Variants in KCNK9 observed in about 807,000 individuals in gnomAD.
KCNK9 encodes potassium channel subfamily K member 9.
A neutral mutation model predicts 10.8 loss-of-function variants in KCNK9; 1 was observed. The observed-to-expected ratio is 0.09, with a 90% confidence interval of 0.03 to 0.44. The LOEUF (loss-of-function observed/expected upper bound fraction) is 0.44, where lower values mean the gene tolerates loss of function less well. KCNK9 is among the 20% of genes least tolerant of loss of function. The pLI, the probability that KCNK9 is intolerant of heterozygous loss-of-function variation, is 0.97. For missense variants in KCNK9, 303 were observed against 515.0 expected, an observed-to-expected ratio of 0.59 and a Z score of 3.98; for synonymous variants, 231 against 222.7, an observed-to-expected ratio of 1.04 and a Z score of -0.33.
In KCNK9 at chr8:139,700,506, A is replaced by G. The variant is rs199659070; in HGVS notation, c.283+2204T>C. Among the ~76,000 whole-genome samples, 239 of 130,722 alleles carry G rather than the reference A, an allele frequency of 1.8e-3. 1 individual carries two copies. The highest frequency in any genetic ancestry group is 8.3e-3 in the East Asian group (40 of 4,796). The allele number at this position is 130,722 out of a possible 152,430, so 85.8% of individuals were successfully genotyped here. A position where few individuals can be genotyped will look rare whatever the true frequency, so the allele number is the denominator to read the frequency against. ...CACATACACACACACACACACACAC[A>G]CACGCGCGCGCGCGCACACACACAC... On this transcript the variant is annotated intron_variant, in intron 1 of 1. Coordinates refer to ENST00000520439, the MANE Select transcript of KCNK9 (RefSeq NM_001282534.2).
chr8:139,625,170 GC>G (rs1258114459), intron 1 of KCNK9, among the ~76,000 whole-genome samples: 1 of 151,974 alleles, frequency 6.6e-6, no homozygotes, highest in Non-Finnish European at 1.5e-5. Context: ...AGACCTTCCA[GC>G]CCCCAAGTGC....
intron 1 of KCNK9, among the ~76,000 whole-genome samples, chr8:139,638,561 G>A (rs13256087): frequency 0.32 from 48,862 of 152,076 alleles, 8,205 homozygotes; most frequent in Middle Eastern, 0.5. Flanking sequence ...AGGGGCACAC[G>A]GGCTACTGCA....
chr8:139,662,749 G>A (rs532962744), intron 1 of KCNK9, among the ~76,000 whole-genome samples: 8 of 151,894 alleles, frequency 5.3e-5, no homozygotes, highest in Non-Finnish European at 7.4e-5. Flanking sequence ...AACAGACACT[G>A]TGCCAGCCCA....
rs2615374 is a variant in KCNK9 at position 139,618,747 on chromosome 8, A to G, written c.636T>C (p.Gly212=). The G allele has an allele frequency of 0.65, 1,046,255 of 1,613,930 alleles. 341,767 individuals are homozygous for G. The highest frequency in any genetic ancestry group is 0.85 in the African/African-American group (63,914 of 74,990). Residue 212 remains glycine, a synonymous_variant, in exon 2 of 2, where the codon GGT becomes GGC. Transcript: ENST00000520439. The surrounding 1 kb of genome is among the most constrained non-coding windows in gnomAD (Gnocchi z 7.9). ...CGTAGAGCGGCTTCTTCTGCAGGGC[A>G]CCCTTGGTCTGCAGGGCCACGTAGT... ...FGDYVALQTK[G]ALQKKPLYVA...
intron 1 of KCNK9, among the ~76,000 whole-genome samples, chr8:139,658,759 A>C (rs1423419237): frequency 6.6e-6 from 1 of 152,252 alleles, no homozygotes; most frequent in Non-Finnish European, 1.5e-5. Flanking sequence ...CCACGGTCAC[A>C]CTGCCTCCAA....
chr8:139,689,736 A>C (rs1420390824), intron 1 of KCNK9, among the ~76,000 whole-genome samples: 1 of 146,868 alleles, frequency 6.8e-6, no homozygotes, highest in Non-Finnish European at 1.5e-5. Context: ...TCTGCCTCCC[A>C]GGTTCACGCC....
chr8:139,661,077 G>T (rs1227480203), intron 1 of KCNK9, among the ~76,000 whole-genome samples: 3 of 152,212 alleles, frequency 2.0e-5, no homozygotes, highest in Non-Finnish European at 4.4e-5. Context: ...ACCCAGCGGG[G>T]CTGGACATCA....
intron 1 of KCNK9, among the ~76,000 whole-genome samples, chr8:139,670,242 A>G (rs1816395802): frequency 6.6e-6 from 1 of 152,200 alleles, no homozygotes; most frequent in Admixed American, 6.5e-5. Context: ...CAATTACAAT[A>G]GTAACGCCAA....
intron 1 of KCNK9, among the ~76,000 whole-genome samples, chr8:139,623,032 CAT>C (rs1404730385): frequency 6.6e-6 from 1 of 152,224 alleles, no homozygotes; most frequent in Non-Finnish European, 1.5e-5. Context: ...GTAGAACACA[CAT>C]GACACAGGCT....
intron 1 of KCNK9, among the ~76,000 whole-genome samples, chr8:139,632,549 G>A (rs1321126821): frequency 6.6e-6 from 1 of 152,160 alleles, no homozygotes; most frequent in African/African-American, 2.4e-5. Context: ...AAGTAGACAT[G>A]GCCATGTGAC....
At chr8:139,669,382 C>T (rs904736012) in intron 1 of KCNK9, among the ~76,000 whole-genome samples, 4 of 152,206 alleles carry the variant, frequency 2.6e-5, no homozygotes, top group Non-Finnish European at 4.4e-5. Context: ...AAACTGGAGT[C>T]AGTCCTCTCA....
intron 1 of KCNK9, among the ~76,000 whole-genome samples, chr8:139,623,905 A>T (rs1814877635): frequency 6.6e-6 from 1 of 152,156 alleles, no homozygotes; most frequent in East Asian, 1.9e-4. Context: ...TGCGGGTGAG[A>T]TCTAGCCAAG....
chr8:139,626,488 T>C (rs1202083533), intron 1 of KCNK9, among the ~76,000 whole-genome samples: 2 of 152,190 alleles, frequency 1.3e-5, no homozygotes, highest in African/African-American at 4.8e-5. Context: ...CAGCCCCTGG[T>C]GTCAGGCCAG....
At chr8:139,679,501 T>C (rs1816637746) in intron 1 of KCNK9, among the ~76,000 whole-genome samples, 1 of 152,210 alleles carries the variant, frequency 6.6e-6, no homozygotes, top group African/African-American at 2.4e-5. Flanking sequence ...CTAGCGATCA[T>C]TCAGCCCAGG....
chr8:139,619,047 G>C lies in KCNK9; in HGVS notation c.336C>G (p.Phe112Leu), dbSNP rs1396111661. ...GTDAGKAFCM[F>L]YAVLGIPLTL... Reference sequence around the variant, plus strand: ...TCAGCGGGATGCCCAGCACGGCGTAGAACATGCAGAAGGCCTTGCCCGCAT... The same window carrying C: ...TCAGCGGGATGCCCAGCACGGCGTACAACATGCAGAAGGCCTTGCCCGCAT... The change falls in exon 2 of 2, where the codon TTC (phenylalanine) becomes TTG (leucine). Residue 112 changes from phenylalanine to leucine, a missense_variant. Physicochemically the swap from Phe to Leu is conservative, Grantham distance 22. Around this residue, in one of 5 missense-constraint regions of KCNK9, gnomAD observed 22 missense variants for 86.5 expected, o/e 0.25. Transcript: ENST00000520439. 2.5e-6 allele frequency: 4 copies of C among 1,614,242 alleles called. No homozygotes were observed. Among genetic ancestry groups the C allele is most frequent in the Non-Finnish European group, 3.4e-6 (4 of 1,180,050 alleles).
downstream of KCNK9, chr8:139,611,528 C>T (rs1450297846): frequency 2.6e-5 from 4 of 152,298 alleles, no homozygotes; most frequent in Admixed American, 2.0e-4. Flanking sequence ...ATGTCCCCAT[C>T]CCCTCGCAGC....
intron 1 of KCNK9, among the ~76,000 whole-genome samples, chr8:139,670,960 C>A (rs1816413844): frequency 6.6e-6 from 1 of 152,310 alleles, no homozygotes; most frequent in Non-Finnish European, 1.5e-5. Context: ...GTGACGCGCA[C>A]CTGCAGTGGC....
chr8:139,634,595 T>G (rs1030584681), intron 1 of KCNK9, among the ~76,000 whole-genome samples: 2 of 152,156 alleles, frequency 1.3e-5, no homozygotes, highest in Admixed American at 6.5e-5. Context: ...CCTGCTGGGA[T>G]GGACTGTCCT....
At chr8:139,623,502 T>C (rs745650721) in intron 1 of KCNK9, among the ~76,000 whole-genome samples, 6 of 152,126 alleles carry the variant, frequency 3.9e-5, no homozygotes, top group Non-Finnish European at 5.9e-5. Flanking sequence ...CAGGTGCGGA[T>C]AGAGGCTGGG....
Sources: allele counts gnomAD v4.1 joint callset (sites outside exome capture counted in the v4.1 genomes callset), GRCh38; gene constraint gnomAD v4.1.1; regional missense constraint gnomAD v4.1.1; non-coding constraint Gnocchi (gnomAD v3.1); transcripts MANE v1.5; gene names NCBI Gene and HGNC (gene_info 2026-07-23, HGNC 2026-07-21).